ADGRG2: variants seen among roughly 807,000 people sequenced by gnomAD.
ADGRG2 encodes G protein-coupled receptor 64.
ADGRG2 carries 26 observed loss-of-function variants against 74.1 expected under a neutral mutation model. The ratio of observed to expected loss-of-function variants is 0.35; its 90% CI spans 0.26 to 0.49. The LOEUF (loss-of-function observed/expected upper bound fraction) is 0.49, where lower values mean the gene tolerates loss of function less well. Ranked by LOEUF, ADGRG2 falls within the 20% of genes least tolerant of loss-of-function variation. ADGRG2 has a pLI of 0.99. For synonymous variants in ADGRG2, 296 were observed against 295.2 expected, an observed-to-expected ratio of 1.00 and a Z score of -0.03; for missense variants, 619 against 763.1, an observed-to-expected ratio of 0.81 and a Z score of 2.22.
intron 2 of ADGRG2, 70 bp downstream of exon 2, chrX:19,082,632 A>T (rs1406399814): frequency 8.9e-6 from 1 of 111,983 alleles, no homozygotes; most frequent in African/African-American, 3.3e-5. Flanking sequence ...AAAATAGGAA[A>T]GAAAAAAAAA....
chrX:19,091,718 A>T (rs978459186), intron 1 of ADGRG2, among the ~76,000 whole-genome samples: 7 of 112,403 alleles, frequency 6.2e-5, no homozygotes, highest in Non-Finnish European at 1.3e-4. Context: ...CTGCCATTAC[A>T]GCACAAAAAC....
intron 26 of ADGRG2, 145 bp from the exon 27 acceptor site, chrX:18,996,297 T>C: frequency 5.1e-6 from 2 of 389,531 alleles, no homozygotes; most frequent in Non-Finnish European, 9.1e-6. Flanking sequence ...TTCAGAGTCC[T>C]AGGAAAGCTT....
At chrX:19,004,058 C>T (rs2060183402) in intron 23 of ADGRG2, among the ~76,000 whole-genome samples, 1 of 112,244 alleles carries the variant, frequency 8.9e-6, no homozygotes, top group South Asian at 3.7e-4. Flanking sequence ...CAGCTAGACC[C>T]TAACTTTGGC....
At chrX:19,008,520 G>A (rs1194075282) in intron 18 of ADGRG2, among the ~76,000 whole-genome samples, 1 of 110,687 alleles carries the variant, frequency 9.0e-6, no homozygotes, top group African/African-American at 3.3e-5. Context: ...ACAAAAATTA[G>A]CCGGGTGTGG....
chrX:18,999,735 T>TTCAC, intron 25 of ADGRG2, 126 bp downstream of exon 25: 1 of 526,161 alleles, frequency 1.9e-6, no homozygotes, highest in Non-Finnish European at 3.4e-6. Flanking sequence ...TGAAGGCTGC[T>TTCAC]GTGAAGTATT....
At chrX:19,067,783 C>G (rs1009070592) in intron 3 of ADGRG2, among the ~76,000 whole-genome samples, 11 of 112,144 alleles carry the variant, frequency 9.8e-5, no homozygotes, top group African/African-American at 3.2e-4. Context: ...AACTTCAAAA[C>G]TCAACACCAA....
At chrX:19,068,455 TG>T (rs372159549) in intron 3 of ADGRG2, among the ~76,000 whole-genome samples, 3,505 of 103,973 alleles carry the variant, frequency 0.034, 153 homozygotes, top group African/African-American at 0.12. Flanking sequence ...CAGGAAGGGG[TG>T]GGGGGGAAGG....
chrX:19,025,509 C>A (rs1389400299), intron 11 of ADGRG2, among the ~76,000 whole-genome samples: 1 of 111,295 alleles, frequency 9.0e-6, no homozygotes, highest in Non-Finnish European at 1.9e-5. Context: ...TGCCTGGTGA[C>A]CTTAAATGAA....
At chrX:19,091,169 G>A (rs2062011318) in intron 1 of ADGRG2, among the ~76,000 whole-genome samples, 2 of 111,730 alleles carry the variant, frequency 1.8e-5, no homozygotes, top group African/African-American at 6.5e-5. Context: ...AGTGAAAGAT[G>A]AGGCTGGAGA....
At chrX:19,112,993 A>C (rs1408603266) in intron 1 of ADGRG2, among the ~76,000 whole-genome samples, 42 of 107,466 alleles carry the variant, frequency 3.9e-4, no homozygotes, top group African/African-American at 1.4e-3. Context: ...AAAACCAAAA[A>C]AAAAAAAAAA....
At chrX:19,054,075 A>G (rs926176442) in intron 3 of ADGRG2, among the ~76,000 whole-genome samples, 2 of 111,995 alleles carry the variant, frequency 1.8e-5, no homozygotes, top group African/African-American at 6.5e-5. Flanking sequence ...ATACAGCCAA[A>G]CCATATCAAG....
chrX:19,050,502 C>T (rs2061298315), intron 3 of ADGRG2, among the ~76,000 whole-genome samples: 1 of 111,546 alleles, frequency 9.0e-6, no homozygotes, highest in African/African-American at 3.3e-5. Flanking sequence ...ACTTGGGTTC[C>T]TTTGATTGAC....
At chrX:19,026,529 C>G (rs1304434334) in intron 11 of ADGRG2, among the ~76,000 whole-genome samples, 2 of 105,216 alleles carry the variant, frequency 1.9e-5, no homozygotes, top group East Asian at 5.9e-4. Flanking sequence ...GAGTTTCGCT[C>G]TTGTCACCCA....
rs183728513 is a variant in ADGRG2, at chrX:19,007,216, G to C, written c.1689+19C>G. ...AGGTGTTCCTGGTCAATGAACAGAC[G>C]GCACTGGCCTCTCCCCACCTGGCTC... On this transcript the variant is annotated intron_variant, in intron 20 of 28. Transcript: ENST00000379869. The C allele has an allele frequency of 2.5e-6, 3 of 1,207,649 alleles. No homozygotes were observed. Among genetic ancestry groups the C allele is most frequent in the Non-Finnish European group, 3.4e-6 (3 of 892,078 alleles).
Position 19,007,408 on chromosome X carries a change from G to T in ADGRG2, c.1567-51C>A, listed in dbSNP as rs375743786. ...AATGAGATATTGTCAGAGTTTTAGA[G>T]CTAGAAGGAACACTAAGGAATATTC... On this transcript the variant is annotated intron_variant, in intron 19 of 28. Coordinates refer to ENST00000379869, the MANE Select transcript of ADGRG2 (RefSeq NM_001079858.3). 2.7e-6 allele frequency: 3 copies of T among 1,117,069 alleles called. No individual in the cohort carries two copies. In the East Asian group the frequency reaches 9.0e-5, roughly 34 times the overall value. 92.1% of individuals were successfully genotyped at this position (1,117,069 alleles called of 1,213,427 possible). A position where few individuals can be genotyped will look rare whatever the true frequency, so the allele number is the denominator to read the frequency against.
chrX:19,043,148 T>C (rs1341894280), intron 3 of ADGRG2, among the ~76,000 whole-genome samples: 1 of 111,821 alleles, frequency 8.9e-6, no homozygotes, highest in African/African-American at 3.3e-5. Flanking sequence ...TTTTAAATGA[T>C]TCTTCTCTGC....
At chrX:19,082,954 A>T (rs764763727) in intron 1 of ADGRG2, among the ~76,000 whole-genome samples, 1 of 110,810 alleles carries the variant, frequency 9.0e-6, no homozygotes, top group South Asian at 3.9e-4. Flanking sequence ...ATAAACTGGA[A>T]GCACAAGCCC....
chrX:19,081,143 T>C lies in ADGRG2; in HGVS notation c.-2+1559A>G, dbSNP rs192139894. ...ACAAACAAAAGATACTTTCTCTTCA[T>C]GGTCCATCAGACTCGACTTTGCCTA... On this transcript the variant is annotated intron_variant, in intron 2 of 28. Transcript: ENST00000379869. Among the ~76,000 whole-genome samples the C allele has an allele frequency of 2.7e-5, 3 of 110,825 alleles. No homozygotes were observed. In the East Asian group the frequency reaches 8.5e-4, roughly 31 times the overall value.
intron 2 of ADGRG2, among the ~76,000 whole-genome samples, chrX:19,082,072 CAAAAAAAAAAAA>C (rs57534658): frequency 4.7e-5 from 1 of 21,212 alleles, no homozygotes; most frequent in African/African-American, 1.4e-4. Flanking sequence ...GACCCTGTCT[CAAAAAAAAAAAA>C]AAAAAAAAAA....
Sources: allele counts gnomAD v4.1 joint callset (sites outside exome capture counted in the v4.1 genomes callset), GRCh38; gene constraint gnomAD v4.1.1; transcripts MANE v1.5; gene names NCBI Gene and HGNC (gene_info 2026-07-23, HGNC 2026-07-21).